The following MPP2 variants were observed in gnomAD, a reference collection of about 807,000 sequenced individuals.
The protein encoded by MPP2 is MAGUK p55 subfamily member 2.
Under a neutral mutation model 58.5 loss-of-function variants are expected in MPP2, and 42 were observed. That is an observed-to-expected ratio of 0.72 (90% CI 0.56 to 0.93). The LOEUF is 0.93. MPP2 is among the 40% of genes least tolerant of loss of function. The pLI is 0.00. For synonymous variants in MPP2, 300 were observed against 307.8 expected (o/e 0.97, Z 0.26); for missense variants, 632 against 760.4 (o/e 0.83, Z 1.99).
chr17:43,905,104 G>C (rs919811141), intron 1 of MPP2, among the ~76,000 whole-genome samples: 1 of 152,064 alleles, frequency 6.6e-6, no homozygotes, highest in Admixed American at 6.5e-5. Context: ...TTGAGCCCAG[G>C]AGGTCGAGGC....
chr17:43,907,472 A>G lies in MPP2; in HGVS notation c.-34+2T>C. 1 of 985,486 alleles carries G rather than the reference A, an allele frequency of 1.0e-6. No homozygotes were observed. 61.0% of individuals were successfully genotyped at this position (985,486 alleles called of 1,614,324 possible). ...CTGGCCCGGGGGCCGGGGGACGCCT[A>G]CCTGCGCCCCGGGAAGCCCCTAGCT... On this transcript the variant is annotated splice_donor_variant, in intron 1 of 12. Coordinates refer to ENST00000269095, the MANE Select transcript of MPP2 (RefSeq NM_005374.5). LOFTEE classifies it low-confidence loss of function (5UTR_SPLICE).
rs767658577 is a variant in MPP2 at position 43,883,209 on chromosome 17, G to T, written c.297C>A (p.His99Gln). ...AGCCCTAGCAGCCAGGAACCTGGAA[G>T]TGGGGCTCCTGGAGGATGTGGGCCA... ...AELAHILQEP[H>Q]FQSLLETHDS... The change falls in exon 4 of 13, where the codon CAC (histidine) becomes CAA (glutamine). Residue 99 changes from histidine to glutamine, a missense_variant. Transcript: ENST00000269095. 6 of 1,604,396 alleles carry T rather than the reference G, an allele frequency of 3.7e-6. No individual in the cohort carries two copies. Among genetic ancestry groups the T allele is most frequent in the Non-Finnish European group, 3.4e-6 (4 of 1,174,758 alleles).
chr17:43,881,337 CGACATGGCATGCCTAA>C lies in MPP2; in HGVS notation c.814-4_825del. ...GGAATGAGCCCAGCACTGCCCCCTTCGACATGGCATGCCTAAAACGGACATGAGACCAAGATCTGCC... is the reference window on the plus strand; with the variant it reads ...GGAATGAGCCCAGCACTGCCCCCTTCAACGGACATGAGACCAAGATCTGCC... On this transcript the variant is annotated splice_acceptor_variant and splice_polypyrimidine_tract_variant and coding_sequence_variant and intron_variant, in exon 8 of 13. Coordinates refer to ENST00000269095, the MANE Select transcript of MPP2 (RefSeq NM_005374.5). LOFTEE classifies it high-confidence loss of function. The C allele has an allele frequency of 6.2e-7, 1 of 1,614,108 alleles. No homozygotes were observed. The highest frequency in any genetic ancestry group is 8.5e-7 in the Non-Finnish European group (1 of 1,180,010).
Position 43,883,352 on chromosome 17 carries a change from G to A in MPP2, c.154C>T (p.His52Tyr). The stretch of plus-strand genomic sequence containing the variant: ...AGCTTCGTCTCCTCCAGCCTCTCAT[G>A]GGCCTGGGGGTGGAAGCAGAACAGG... ...SPIVRSLAKAHERLEETKLEA... is the reference protein window; with the variant it reads ...SPIVRSLAKAYERLEETKLEA... The change falls in exon 4 of 13, where the codon CAT becomes TAT. Residue 52 changes from histidine (H) to tyrosine (Y), a missense_variant. By Grantham distance (83) the His-to-Tyr change is moderately conservative (BLOSUM62 2). Transcript: ENST00000269095. 1 of 1,610,762 alleles carries A rather than the reference G, an allele frequency of 6.2e-7. No homozygotes were observed. The highest frequency in any genetic ancestry group is 8.5e-7 in the Non-Finnish European group (1 of 1,179,800).
intron 2 of MPP2, chr17:43,900,632 C>T: frequency 6.9e-7 from 1 of 1,450,342 alleles, no homozygotes; most frequent in Non-Finnish European, 9.1e-7. Context: ...CCTGGCCGGG[C>T]TGGGGAAGGC....
At chr17:43,903,504 G>T (rs2048176887) in intron 2 of MPP2, among the ~76,000 whole-genome samples, 1 of 151,720 alleles carries the variant, frequency 6.6e-6, no homozygotes, top group Non-Finnish European at 1.5e-5. Flanking sequence ...GACCAGCATG[G>T]GCAACATTTT....
At chr17:43,887,393 A>T (rs2047414805) in intron 3 of MPP2, among the ~76,000 whole-genome samples, 1 of 151,958 alleles carries the variant, frequency 6.6e-6, no homozygotes, top group African/African-American at 2.4e-5. Context: ...CAAAAAACAA[A>T]TTTTTTAATG....
At chr17:43,886,323 C>T (rs2047368276) in intron 3 of MPP2, among the ~76,000 whole-genome samples, 1 of 151,710 alleles carries the variant, frequency 6.6e-6, no homozygotes, top group South Asian at 2.1e-4. Context: ...CTTGCTCTGT[C>T]ACCCAGGATG....
At position 43,876,923 on chromosome 17, in the gene MPP2, G is replaced by C. The variant is rs2046866370; in HGVS notation, c.*884C>G. On this transcript the variant is annotated 3_prime_UTR_variant, in exon 13 of 13. Transcript: ENST00000269095. Reference sequence around the variant, plus strand: ...CTAGACAGAAAACCAAATGGACCAAGGTCAAGGACATAGAGCTCAGACCTG... The same window carrying C: ...CTAGACAGAAAACCAAATGGACCAACGTCAAGGACATAGAGCTCAGACCTG... 6.6e-6 allele frequency: 1 copy of C among 152,544 alleles called. No homozygotes were observed. The highest frequency in any genetic ancestry group is 1.5e-5 in the Non-Finnish European group (1 of 68,300). The allele number at this position is 152,544 out of a possible 1,614,324, so 9.4% of individuals were successfully genotyped here. A position where few individuals can be genotyped will look rare whatever the true frequency, so the allele number is the denominator to read the frequency against.
intron 3 of MPP2, among the ~76,000 whole-genome samples, chr17:43,887,504 T>G (rs2047421235): frequency 6.6e-6 from 1 of 152,146 alleles, no homozygotes; most frequent in African/African-American, 2.4e-5. Context: ...ATACAGAGCC[T>G]TGTTTTCTTC....
At chr17:43,898,462 C>T in intron 2 of MPP2, 82 bp from the exon 3 acceptor site, 1 of 915,918 alleles carries the variant, frequency 1.1e-6, no homozygotes, top group African/African-American at 1.6e-5. Flanking sequence ...CTTGCCACTT[C>T]CCCACCCCCA....
rs764869631 is a variant in MPP2 at position 43,877,606 on chromosome 17, C to T, written c.*201G>A. On this transcript the variant is annotated 3_prime_UTR_variant, in exon 13 of 13. Coordinates refer to ENST00000269095, the MANE Select transcript of MPP2 (RefSeq NM_005374.5). ...ATCAGGAGTGGGCAGCACCTGGGCA[C>T]AAGGTACCCCATGAATGCCCACCTC... is the stretch of plus-strand genomic sequence containing the variant. The T allele has an allele frequency of 1.7e-5, 10 of 605,214 alleles. No individual in the cohort carries two copies. Among genetic ancestry groups the T allele is most frequent in the Non-Finnish European group, 3.0e-5 (10 of 338,688 alleles). 37.5% of individuals were successfully genotyped at this position (605,214 alleles called of 1,614,324 possible).
intron 3 of MPP2, among the ~76,000 whole-genome samples, chr17:43,893,096 T>A (rs2047678688): frequency 6.6e-6 from 1 of 151,840 alleles, no homozygotes; most frequent in Admixed American, 6.6e-5. Context: ...AGCTGTCGAG[T>A]GGACTGTCGA....
chr17:43,894,667 G>A (rs2047767783), intron 3 of MPP2, among the ~76,000 whole-genome samples: 1 of 147,898 alleles, frequency 6.8e-6, no homozygotes, highest in Non-Finnish European at 1.5e-5. Context: ...AGCCAGTCAT[G>A]GTGGCTCATG....
rs996943230 is a variant in MPP2 at position 43,906,283 on chromosome 17, C to A, written c.-34+1191G>T. 4.0e-5 allele frequency: 11 copies of A among 278,244 alleles called. 1 individual carries two copies. Among genetic ancestry groups the A allele is most frequent in the Non-Finnish European group, 5.4e-5 (10 of 184,896 alleles). 17.2% of individuals were successfully genotyped at this position (278,244 alleles called of 1,614,324 possible). On this transcript the variant is annotated intron_variant, in intron 1 of 12. Coordinates refer to ENST00000269095, the MANE Select transcript of MPP2 (RefSeq NM_005374.5). ...AGAGCATCGGCTGGCTTTGCTCCCC[C>A]ACGCCCGTCCAAGCCTCTGAGAGGG... is the stretch of plus-strand genomic sequence containing the variant.
At chr17:43,881,654 C>A in intron 6 of MPP2, 65 bp from the exon 7 acceptor site, 1 of 1,562,466 alleles carries the variant, frequency 6.4e-7, no homozygotes. Flanking sequence ...TGGAGGTCTA[C>A]CCCATGCCCC....
chr17:43,884,202 T>A, intron 3 of MPP2: 1 of 688,322 alleles, frequency 1.5e-6, no homozygotes, highest in African/African-American at 1.8e-5. Context: ...TGTAAGACAG[T>A]CCACATTCAA....
chr17:43,903,223 C>T (rs955884236), intron 2 of MPP2, among the ~76,000 whole-genome samples: 1 of 150,896 alleles, frequency 6.6e-6, no homozygotes, highest in African/African-American at 2.4e-5. Flanking sequence ...TTGCAGTGAG[C>T]CGAGATCCCA....
intron 3 of MPP2, among the ~76,000 whole-genome samples, chr17:43,897,885 ATC>A (rs2047915348): frequency 6.6e-6 from 1 of 152,224 alleles, no homozygotes; most frequent in Non-Finnish European, 1.5e-5. Flanking sequence ...CTTTTAGTCA[ATC>A]TCTCCCCAAC....
Sources: gnomAD v4.1 joint callset for allele counts (sites outside exome capture counted in the v4.1 genomes callset) on GRCh38, gnomAD v4.1.1 for gene constraint, MANE v1.5 for transcripts, NCBI Gene and HGNC (gene_info 2026-07-23, HGNC 2026-07-21) for gene names.